ZNF341: variants seen among roughly 807,000 people sequenced by gnomAD.
The protein encoded by ZNF341 is zinc finger protein 341.
ZNF341 carries 52 observed loss-of-function variants against 87.7 expected under a neutral mutation model. The ratio of observed to expected loss-of-function variants is 0.59; its 90% CI spans 0.47 to 0.75. The LOEUF (loss-of-function observed/expected upper bound fraction) is 0.75, where lower values mean the gene tolerates loss of function less well. Ranked by LOEUF, ZNF341 falls within the 30% of genes least tolerant of loss-of-function variation. The pLI, the probability that ZNF341 is intolerant of heterozygous loss-of-function variation, is 0.00. For missense variants in ZNF341, 977 were observed against 1,145.9 expected (o/e 0.85, Z 2.13); for synonymous variants, 459 against 472.7 (o/e 0.97, Z 0.38).
chr20:33,777,620 C>T (rs1337076833), intron 10 of ZNF341, among the ~76,000 whole-genome samples: 9 of 142,404 alleles, frequency 6.3e-5, no homozygotes, highest in Admixed American at 2.9e-4. Context: ...GGTGACAGAG[C>T]GAGACTCTTG....
intron 13 of ZNF341, 132 bp downstream of exon 13, chr20:33,789,106 C>T (rs2019941025): frequency 3.1e-6 from 2 of 652,916 alleles, no homozygotes; most frequent in Middle Eastern, 4.1e-4. Context: ...GACATAGTCT[C>T]ACTCTGTCAT....
At chr20:33,763,143 C>T (rs1228095450) in intron 8 of ZNF341, among the ~76,000 whole-genome samples, 1 of 152,110 alleles carries the variant, frequency 6.6e-6, no homozygotes, top group Non-Finnish European at 1.5e-5. Context: ...AATCATAGCA[C>T]ACTGCATTAC....
At chr20:33,735,518 A>G (rs1419664128) in intron 1 of ZNF341, among the ~76,000 whole-genome samples, 1 of 151,974 alleles carries the variant, frequency 6.6e-6, no homozygotes, top group Non-Finnish European at 1.5e-5. Flanking sequence ...AGGTCTTGCT[A>G]TGTTGCCCAG....
At chr20:33,751,250 G>A (rs942175643) in intron 4 of ZNF341, among the ~76,000 whole-genome samples, 1 of 151,842 alleles carries the variant, frequency 6.6e-6, no homozygotes, top group Non-Finnish European at 1.5e-5. Context: ...TTTTTTTGTA[G>A]CATAAATTTC....
chr20:33,743,252 G>A (rs1055648556), intron 2 of ZNF341, among the ~76,000 whole-genome samples: 6 of 151,554 alleles, frequency 4.0e-5, no homozygotes, highest in Non-Finnish European at 5.9e-5. Context: ...GGCTGGTCTC[G>A]AACTCGTGAC....
chr20:33,789,689 G>A, intron 14 of ZNF341, 101 bp downstream of exon 14: 1 of 1,313,316 alleles, frequency 7.6e-7, no homozygotes, highest in Non-Finnish European at 1.1e-6. Flanking sequence ...TGTGAGGCTT[G>A]TTTTCCCTGC....
intron 10 of ZNF341, among the ~76,000 whole-genome samples, chr20:33,777,755 G>GA (rs1284307950): frequency 6.6e-6 from 1 of 151,632 alleles, no homozygotes; most frequent in Non-Finnish European, 1.5e-5. Flanking sequence ...TAGAGAAAAA[G>GA]AAAAAAAAGG....
chr20:33,756,368 CTTTT>C (rs5841147), intron 5 of ZNF341, among the ~76,000 whole-genome samples: 6 of 137,048 alleles, frequency 4.4e-5, no homozygotes, highest in Admixed American at 7.2e-5. Context: ...CTCTCTCTCT[CTTTT>C]TTTTTTTTTT....
In ZNF341 at chr20:33,789,407, C is replaced by T. The variant is rs111608391; in HGVS notation, c.1965-111C>T. Reference sequence around the variant, plus strand: ...CTCACTTCCCACCCTACCTCCTTGCCCAGCCCTTAGGGTGGACAAGGCTGT... The same window carrying T: ...CTCACTTCCCACCCTACCTCCTTGCTCAGCCCTTAGGGTGGACAAGGCTGT... On this transcript the variant is annotated intron_variant, in intron 13 of 14. Coordinates refer to ENST00000375200, the MANE Select transcript of ZNF341 (RefSeq NM_001282933.2). 936 of 1,147,410 alleles carry T rather than the reference C, an allele frequency of 8.2e-4. 6 individuals carry two copies. In the African/African-American group the frequency reaches 0.012, roughly 15 times the overall value. The allele number at this position is 1,147,410 out of a possible 1,614,324, so 71.1% of individuals were successfully genotyped here. A position where few individuals can be genotyped will look rare whatever the true frequency, so the allele number is the denominator to read the frequency against.
chr20:33,770,820 C>T (rs2019516045), intron 10 of ZNF341, among the ~76,000 whole-genome samples: 1 of 152,050 alleles, frequency 6.6e-6, no homozygotes, highest in African/African-American at 2.4e-5. Context: ...AAATAAAATA[C>T]ATTTTAAAAT....
intron 4 of ZNF341, among the ~76,000 whole-genome samples, chr20:33,751,856 G>A (rs1026650806): frequency 4.6e-5 from 7 of 152,012 alleles, no homozygotes; most frequent in Non-Finnish European, 1.0e-4. Context: ...GGTGTTAGCC[G>A]CTGCACCAAG....
At chr20:33,753,460 C>G (rs752496187) in intron 5 of ZNF341, 37 bp downstream of exon 5, 2 of 1,526,444 alleles carry the variant, frequency 1.3e-6, no homozygotes, top group Non-Finnish European at 1.8e-6. Flanking sequence ...GGACACTGGT[C>G]ATGGACATCA....
chr20:33,764,562 T>TATATATATATATA lies in ZNF341; in HGVS notation c.1223-2289_1223-2288insATATATATATATA, dbSNP rs1491532951. Among the ~76,000 whole-genome samples the TATATATATATATA allele has an allele frequency of 1.4e-3, 55 of 40,254 alleles. No homozygotes were observed. In the East Asian group the frequency reaches 0.022, roughly 16 times the overall value. 26.4% of individuals were successfully genotyped at this position (40,254 alleles called of 152,430 possible). ...GTATGTGTATATATATATATATATATTTTTTTTTTTTTTTTTTTTTTTTTT... is the reference window on the plus strand; with the variant it reads ...GTATGTGTATATATATATATATATATATATATATATATATTTTTTTTTTTTTTTTTTTTTTTTT... On this transcript the variant is annotated intron_variant, in intron 8 of 14. Transcript: ENST00000375200.
chr20:33,786,934 C>T (rs1197079551), intron 12 of ZNF341, among the ~76,000 whole-genome samples: 1 of 147,776 alleles, frequency 6.8e-6, no homozygotes, highest in Non-Finnish European at 1.5e-5. Context: ...AACCACTGCA[C>T]TCCAGCCTGG....
intron 1 of ZNF341, among the ~76,000 whole-genome samples, chr20:33,740,376 G>A (rs1472733383): frequency 2.6e-5 from 4 of 152,192 alleles, no homozygotes; most frequent in African/African-American, 4.8e-5. Flanking sequence ...TTCCCTAACT[G>A]TAAGAGAGCC....
At chr20:33,757,008 C>A in intron 5 of ZNF341, 140 bp from the exon 6 acceptor site, 1 of 650,802 alleles carries the variant, frequency 1.5e-6, no homozygotes, top group Non-Finnish European at 2.4e-6. Context: ...GCTTGGGTGA[C>A]CGGGCCAGGT....
At chr20:33,783,636 C>T in intron 11 of ZNF341, 96 bp from the exon 12 acceptor site, 1 of 1,567,142 alleles carries the variant, frequency 6.4e-7, no homozygotes, top group Non-Finnish European at 8.7e-7. Context: ...GAAGGTGTCT[C>T]TATAGGGGCT....
intron 10 of ZNF341, 36 bp downstream of exon 10, chr20:33,770,328 G>T: frequency 1.3e-6 from 2 of 1,529,416 alleles, no homozygotes; most frequent in South Asian, 2.3e-5. Context: ...CTGGGTGGAC[G>T]GGTGGGTGGG....
intron 4 of ZNF341, among the ~76,000 whole-genome samples, chr20:33,750,969 C>T (rs1343625889): frequency 6.6e-6 from 1 of 151,628 alleles, no homozygotes; most frequent in East Asian, 2.0e-4. Context: ...GAGACAGAGT[C>T]TCGCTATGTT....
Sources: allele counts gnomAD v4.1 joint callset (sites outside exome capture counted in the v4.1 genomes callset), GRCh38; gene constraint gnomAD v4.1.1; transcripts MANE v1.5; gene names NCBI Gene and HGNC (gene_info 2026-07-23, HGNC 2026-07-21).